The following GRID1 variants were observed in gnomAD, a reference collection of about 807,000 sequenced individuals.
GRID1 encodes the protein glutamate ionotropic receptor delta type subunit 1, also known as glutamate receptor ionotropic, delta-1.
A neutral mutation model predicts 98.0 loss-of-function variants in GRID1; 28 were observed. The observed-to-expected ratio is 0.29, with a 90% CI of 0.21 to 0.39. The LOEUF is 0.39. GRID1 is among the 10% of genes least tolerant of loss of function. The pLI, the probability that GRID1 is intolerant of heterozygous loss-of-function variation, is 1.00. For missense variants in GRID1, 1,111 were observed against 1,340.5 expected, an observed-to-expected ratio of 0.83 and a Z score of 2.67; for synonymous variants, 553 against 538.5, an observed-to-expected ratio of 1.03 and a Z score of -0.37.
intron 4 of GRID1, among the ~76,000 whole-genome samples, chr10:86,053,366 G>T (rs1336639065): frequency 2.0e-5 from 3 of 148,850 alleles, no homozygotes; most frequent in African/African-American, 5.0e-5. Flanking sequence ...TTGTTTTTTT[G>T]TTTTTTTTTG....
chr10:85,694,770 A>G (rs1226621350), intron 12 of GRID1, among the ~76,000 whole-genome samples: 1 of 150,008 alleles, frequency 6.7e-6, no homozygotes, highest in Non-Finnish European at 1.5e-5. Context: ...CACATGGACA[A>G]AGAGAGTGAA....
At chr10:85,769,612 C>G (rs1382273632) in intron 8 of GRID1, among the ~76,000 whole-genome samples, 1 of 152,214 alleles carries the variant, frequency 6.6e-6, no homozygotes, top group African/African-American at 2.4e-5. Flanking sequence ...AATCGGGTCA[C>G]ACCCACCCCA....
intron 2 of GRID1, among the ~76,000 whole-genome samples, chr10:86,225,437 C>A (rs574739996): frequency 6.6e-6 from 1 of 152,184 alleles, no homozygotes; most frequent in Non-Finnish European, 1.5e-5. Flanking sequence ...TAAGCATAAT[C>A]GTATTCAGAT....
chr10:86,357,249 C>T (rs1848545371), intron 2 of GRID1, among the ~76,000 whole-genome samples: 1 of 152,248 alleles, frequency 6.6e-6, no homozygotes, highest in Non-Finnish European at 1.5e-5. Context: ...GAGAGCCTAG[C>T]TGAGATGTTG....
At chr10:85,683,044 T>A (rs2132599540) in intron 12 of GRID1, among the ~76,000 whole-genome samples, 1 of 152,296 alleles carries the variant, frequency 6.6e-6, no homozygotes, top group East Asian at 1.9e-4. Context: ...TGATACCCAA[T>A]TCCCATGGTG....
At chr10:86,006,898 GGC>G (rs1442901049) in intron 4 of GRID1, among the ~76,000 whole-genome samples, 4 of 152,038 alleles carry the variant, frequency 2.6e-5, no homozygotes, top group Non-Finnish European at 5.9e-5. Context: ...AGGGGAAGCT[GGC>G]GGTGGTGGGG....
At chr10:85,714,848 C>G (rs1422453611) in intron 12 of GRID1, among the ~76,000 whole-genome samples, 1 of 151,918 alleles carries the variant, frequency 6.6e-6, no homozygotes, top group Non-Finnish European at 1.5e-5. Flanking sequence ...GGTATAACCC[C>G]TACCAAAATA....
At chr10:85,727,062 T>G (rs1841768624) in intron 10 of GRID1, among the ~76,000 whole-genome samples, 1 of 152,166 alleles carries the variant, frequency 6.6e-6, no homozygotes. Context: ...GACAACTTGT[T>G]GTGGTCATGC....
At chr10:86,083,372 A>T (rs948668772) in intron 4 of GRID1, among the ~76,000 whole-genome samples, 3 of 152,128 alleles carry the variant, frequency 2.0e-5, no homozygotes, top group Admixed American at 6.5e-5. Flanking sequence ...GGTGTCGCTC[A>T]TGCTATCTCC....
At chr10:85,928,278 G>A (rs1050896006) in intron 4 of GRID1, among the ~76,000 whole-genome samples, 2 of 152,208 alleles carry the variant, frequency 1.3e-5, no homozygotes, top group Admixed American at 1.3e-4. Context: ...GGGCAATATA[G>A]CAAGATTGCA....
At chr10:85,816,105 A>C (rs904267737) in intron 8 of GRID1, among the ~76,000 whole-genome samples, 19 of 152,154 alleles carry the variant, frequency 1.2e-4, no homozygotes, top group Admixed American at 2.6e-4. Context: ...CCACTTTGAT[A>C]AAAAGTTTGG....
chr10:86,026,653 G>C (rs1237457016), intron 4 of GRID1, among the ~76,000 whole-genome samples: 2 of 152,228 alleles, frequency 1.3e-5, no homozygotes, highest in East Asian at 3.8e-4. Context: ...TCTACTCTTT[G>C]CCAGACACTG....
At chr10:86,135,965 C>T (rs957022646) in intron 4 of GRID1, among the ~76,000 whole-genome samples, 1 of 152,160 alleles carries the variant, frequency 6.6e-6, no homozygotes, top group Non-Finnish European at 1.5e-5. Flanking sequence ...ATCCCGGATG[C>T]TGCATAACAT....
At chr10:85,809,029 A>G (rs1342819920) in intron 8 of GRID1, among the ~76,000 whole-genome samples, 2 of 152,182 alleles carry the variant, frequency 1.3e-5, no homozygotes, top group South Asian at 4.1e-4. Context: ...AAAAAATTTG[A>G]ACAAATAATT....
chr10:85,923,445 A>G (rs1430134995), intron 4 of GRID1, among the ~76,000 whole-genome samples: 1 of 152,192 alleles, frequency 6.6e-6, no homozygotes, highest in African/African-American at 2.4e-5. Flanking sequence ...TTAGGAGTTC[A>G]GGGAAGGCAC....
rs1417003748 is a variant in GRID1 at position 86,366,316 on chromosome 10, A to G, written c.77T>C (p.Ile26Thr). 1 of 1,496,410 alleles carries G rather than the reference A, an allele frequency of 6.7e-7. No homozygotes were observed. Among genetic ancestry groups the G allele is most frequent in the East Asian group, 2.9e-5 (1 of 34,808 alleles). 92.7% of individuals were successfully genotyped at this position (1,496,410 alleles called of 1,614,324 possible). A position where few individuals can be genotyped will look rare whatever the true frequency, so the allele number is the denominator to read the frequency against. ...VSVRADSIIH[I>T]GAIFEENAAK... is the part of the protein sequence containing the mutation. ...GCCCGGCCTCCAGCCGCGCTTACCG[A>G]TGTGGATGATGGAGTCGGCCCGCAC... The change falls in exon 1 of 16, where the codon ATC (isoleucine) becomes ACC (threonine). Residue 26 changes from isoleucine (I) to threonine (T), a missense_variant and splice_region_variant. Ile to Thr is a moderately conservative substitution (Grantham distance 89). Transcript: ENST00000327946. This position sits in a 1 kb window ranked among gnomAD's most constrained non-coding sequence, Gnocchi z 4.1.
chr10:86,340,025 C>T (rs1025672360), intron 2 of GRID1, among the ~76,000 whole-genome samples: 1 of 152,038 alleles, frequency 6.6e-6, no homozygotes, highest in Non-Finnish European at 1.5e-5. Flanking sequence ...GCATGGATCC[C>T]AGGGAAGAAC....
intron 8 of GRID1, among the ~76,000 whole-genome samples, chr10:85,787,653 C>T (rs949340378): frequency 6.6e-6 from 1 of 152,150 alleles, no homozygotes; most frequent in Non-Finnish European, 1.5e-5. Flanking sequence ...CACACAGGAC[C>T]ACCCACTCGT....
intron 4 of GRID1, among the ~76,000 whole-genome samples, chr10:85,998,385 T>A (rs989399949): frequency 7.2e-5 from 11 of 151,920 alleles, no homozygotes; most frequent in Non-Finnish European, 1.5e-4. Flanking sequence ...TTATAAATAA[T>A]CCATGGGTGA....
Sources: gnomAD v4.1 joint callset for allele counts (sites outside exome capture counted in the v4.1 genomes callset) on GRCh38, gnomAD v4.1.1 for gene constraint, Gnocchi (gnomAD v3.1) non-coding constraint, MANE v1.5 for transcripts, NCBI Gene and HGNC (gene_info 2026-07-23, HGNC 2026-07-21) for gene names.